The following VDAC1 variants were observed in gnomAD, a reference collection of about 807,000 sequenced individuals.
The protein encoded by VDAC1 is non-selective voltage-gated ion channel VDAC1.
A neutral mutation model predicts 34.7 loss-of-function variants in VDAC1; 10 were observed. The ratio of observed to expected loss-of-function variants is 0.29; its 90% CI spans 0.18 to 0.49. The LOEUF is 0.49. VDAC1 is among the 20% of genes least tolerant of loss of function. The pLI is 0.99. For missense variants in VDAC1, 230 were observed against 347.9 expected, an observed-to-expected ratio of 0.66 and a Z score of 2.69; for synonymous variants, 130 against 136.0, an observed-to-expected ratio of 0.96 and a Z score of 0.30.
Position 133,992,333 on chromosome 5 carries a change from A to G in VDAC1, c.90T>C (p.Asp30=). Residue 30 remains aspartate, a synonymous_variant, in exon 3 of 9, where the codon GAT becomes GAC. Coordinates refer to ENST00000265333, the MANE Select transcript of VDAC1 (RefSeq NM_003374.3). ...KGYGFGLIKL[D]LKTKSENGLE... ...ATCCATTCTCAGATTTTGTTTTCAA[A>G]TCAAGCTTTATTAAGCCAAATCCTA... is the stretch of plus-strand genomic sequence containing the variant. 6.3e-7 allele frequency: 1 copy of G among 1,584,466 alleles called. No homozygotes were observed. The highest frequency in any genetic ancestry group is 8.6e-7 in the Non-Finnish European group (1 of 1,166,700).
chr5:134,066,053 A>G, the VDAC1 span, among the ~76,000 whole-genome samples: 1 of 151,982 alleles, frequency 6.6e-6, no homozygotes, highest in Non-Finnish European at 1.5e-5. Context: ...TCAGCTTCCC[A>G]AAGTGCTGGG....
At chr5:134,066,297 C>T in the VDAC1 span, among the ~76,000 whole-genome samples, 1 of 152,130 alleles carries the variant, frequency 6.6e-6, no homozygotes, top group Non-Finnish European at 1.5e-5. Context: ...CCACCATGCC[C>T]GGCCGATAGT....
At chr5:134,025,909 T>A in the VDAC1 span, among the ~76,000 whole-genome samples, 2 of 152,144 alleles carry the variant, frequency 1.3e-5, no homozygotes. Flanking sequence ...CAGCCTCTAC[T>A]GGGTTGGAGG....
chr5:134,033,302 C>T, the VDAC1 span, among the ~76,000 whole-genome samples: 11,502 of 151,502 alleles, frequency 0.076, 584 homozygotes, highest in South Asian at 0.21. Flanking sequence ...GGGCTACAGG[C>T]GCCCACCAGC....
At chr5:134,059,986 C>T in the VDAC1 span, among the ~76,000 whole-genome samples, 1 of 151,726 alleles carries the variant, frequency 6.6e-6, no homozygotes, top group Non-Finnish European at 1.5e-5. Flanking sequence ...CTGAGCATCT[C>T]TAAAATCCAC....
rs1036992562 is a variant in VDAC1, at chr5:133,981,418, G to A, written c.324-462C>T. On this transcript the variant is annotated intron_variant, in intron 5 of 8. Transcript: ENST00000265333. ...TTTCTTCTTACTCTGTGGCTCACAT[G>A]GTTAAGTAAGGAAACAAAGGCTATG... Among the ~76,000 whole-genome samples the A allele has an allele frequency of 2.0e-5, 3 of 152,316 alleles. No individual in the cohort carries two copies. In the South Asian group the frequency reaches 6.2e-4, roughly 32 times the overall value.
At chr5:133,980,612 G>A (rs1463259383) in intron 6 of VDAC1, 117 bp downstream of exon 6, 2 of 878,344 alleles carry the variant, frequency 2.3e-6, no homozygotes, top group East Asian at 2.7e-5. Flanking sequence ...TCACTTTACA[G>A]TGGTTAAAAA....
At chr5:133,979,829 C>T (rs564176152) in intron 6 of VDAC1, among the ~76,000 whole-genome samples, 7 of 152,242 alleles carry the variant, frequency 4.6e-5, no homozygotes, top group East Asian at 1.9e-4. Flanking sequence ...GTTCCCTCCC[C>T]GAAACTCCCT....
the VDAC1 span, among the ~76,000 whole-genome samples, chr5:134,032,771 C>T: frequency 6.6e-6 from 1 of 152,180 alleles, no homozygotes. Flanking sequence ...GTGGATCACA[C>T]CTGTAATCTC....
the VDAC1 span, among the ~76,000 whole-genome samples, chr5:134,061,410 T>C: frequency 6.6e-6 from 1 of 151,572 alleles, no homozygotes; most frequent in Non-Finnish European, 1.5e-5. Context: ...CTCACTCTGT[T>C]GCCCAGGCTG....
chr5:134,062,089 C>T, the VDAC1 span, among the ~76,000 whole-genome samples: 3 of 151,476 alleles, frequency 2.0e-5, no homozygotes, highest in South Asian at 6.3e-4. Flanking sequence ...TGGGTTCAAG[C>T]GATTCTCCTG....
the VDAC1 span, among the ~76,000 whole-genome samples, chr5:134,034,725 G>A: frequency 6.6e-6 from 1 of 152,120 alleles, no homozygotes; most frequent in Non-Finnish European, 1.5e-5. Context: ...TGCTGGGACC[G>A]AGCTGGTGAA....
At position 133,991,603 on chromosome 5, in the gene VDAC1, C is replaced by A. The variant is rs189583748; in HGVS notation, c.118-449G>T. Among the ~76,000 whole-genome samples the A allele has an allele frequency of 3.8e-3, 575 of 152,270 alleles. 4 individuals are homozygous for A. Among genetic ancestry groups the A allele is most frequent in the Non-Finnish European group, 4.9e-3 (331 of 68,024 alleles). Reference sequence around the variant, plus strand: ...TGCAGGTGAATTTGAAAATAAGAAGCACAAGGAAAACTAAAACTGAGACCT... The same window carrying A: ...TGCAGGTGAATTTGAAAATAAGAAGAACAAGGAAAACTAAAACTGAGACCT... On this transcript the variant is annotated intron_variant, in intron 3 of 8. Transcript: ENST00000265333.
chr5:133,994,681 G>C (rs1304918045), intron 1 of VDAC1, among the ~76,000 whole-genome samples: 1 of 152,084 alleles, frequency 6.6e-6, no homozygotes, highest in Non-Finnish European at 1.5e-5. Flanking sequence ...AACAACTCTG[G>C]ATTGAAAGCT....
chr5:134,075,915 C>T, the VDAC1 span, among the ~76,000 whole-genome samples: 1 of 151,718 alleles, frequency 6.6e-6, no homozygotes, highest in Non-Finnish European at 1.5e-5. Context: ...ATTCACAATA[C>T]TCTTCACAAC....
the VDAC1 span, among the ~76,000 whole-genome samples, chr5:134,100,521 C>T: frequency 6.6e-6 from 1 of 152,142 alleles, no homozygotes; most frequent in Non-Finnish European, 1.5e-5. Flanking sequence ...CAGCCTGGGA[C>T]CCAGCCTGCA....
At chr5:134,021,772 G>A in the VDAC1 span, among the ~76,000 whole-genome samples, 3 of 152,168 alleles carry the variant, frequency 2.0e-5, no homozygotes, top group Admixed American at 6.5e-5. Flanking sequence ...CTAGCCCCTA[G>A]CCCCTGGAGG....
intron 5 of VDAC1, among the ~76,000 whole-genome samples, chr5:133,982,316 A>T (rs914297127): frequency 6.6e-6 from 1 of 152,120 alleles, no homozygotes; most frequent in Non-Finnish European, 1.5e-5. Context: ...GTTCGAGACC[A>T]GCCTGGCCAA....
chr5:134,082,923 G>C, the VDAC1 span, among the ~76,000 whole-genome samples: 1 of 152,138 alleles, frequency 6.6e-6, no homozygotes, highest in South Asian at 2.1e-4. Flanking sequence ...AAACTTTTTT[G>C]GTGAAATGTC....
Sources: allele counts gnomAD v4.1 joint callset (sites outside exome capture counted in the v4.1 genomes callset), GRCh38; gene constraint gnomAD v4.1.1; transcripts MANE v1.5; gene names NCBI Gene and HGNC (gene_info 2026-07-23, HGNC 2026-07-21).